CSMD1: variants seen among roughly 807,000 people sequenced by gnomAD.
CSMD1 encodes the protein CUB and sushi domain-containing protein 1.
A neutral mutation model predicts 417.5 loss-of-function variants in CSMD1; 213 were observed. That is an observed-to-expected ratio of 0.51 (90% CI 0.46 to 0.57). The LOEUF is 0.57. CSMD1 is among the 20% of genes least tolerant of loss of function. The probability of loss-of-function intolerance (pLI) is 0.00; values close to 1 mark genes in which losing one functional copy is unlikely to be tolerated. For synonymous variants in CSMD1, 2,862 were observed against 1,736.8 expected, an observed-to-expected ratio of 1.65 and a Z score of -16.11; for missense variants, 6,923 against 4,529.7, an observed-to-expected ratio of 1.53 and a Z score of -15.17.
chr8:3,219,581 G>A (rs1325894101), intron 28 of CSMD1, 139 bp from the exon 29 acceptor site: 4 of 569,884 alleles, frequency 7.0e-6, no homozygotes, highest in Non-Finnish European at 1.2e-5. Flanking sequence ...AAAGTTAAAT[G>A]TAGTATGAAT....
chr8:3,981,867 C>G (rs895728621), intron 5 of CSMD1, among the ~76,000 whole-genome samples: 1 of 152,074 alleles, frequency 6.6e-6, no homozygotes, highest in African/African-American at 2.4e-5. Context: ...AGTAATGCAG[C>G]TTTATCTGTG....
rs561710590 is a variant in CSMD1, at chr8:4,476,745, TC to T, written c.303-56681del. Reference sequence around the variant, plus strand: ...GAATAGCTTTCTTAATTTCTATACCTCCGTTTGTTCATATGTAAGGATTAGA... The same window carrying T: ...GAATAGCTTTCTTAATTTCTATACCTCGTTTGTTCATATGTAAGGATTAGA... On this transcript the variant is annotated intron_variant, in intron 2 of 69. Coordinates refer to ENST00000635120, the MANE Select transcript of CSMD1 (RefSeq NM_033225.6). Among the ~76,000 whole-genome samples, 32 of 152,242 alleles carry T rather than the reference TC, an allele frequency of 2.1e-4. 1 individual carries two copies. In the East Asian group the frequency reaches 5.4e-3, roughly 26 times the overall value.
At chr8:3,490,550 T>C (rs2117287101) in intron 11 of CSMD1, among the ~76,000 whole-genome samples, 1 of 152,294 alleles carries the variant, frequency 6.6e-6, no homozygotes, top group South Asian at 2.1e-4. Context: ...ATTTTTCAGC[T>C]CTCCGGAGTG....
intron 10 of CSMD1, among the ~76,000 whole-genome samples, chr8:3,548,755 A>C (rs1198487412): frequency 6.6e-6 from 1 of 151,486 alleles, no homozygotes; most frequent in African/African-American, 2.4e-5. Context: ...GTTTCTAAAG[A>C]GTAAGCCCGG....
intron 3 of CSMD1, among the ~76,000 whole-genome samples, chr8:4,267,623 A>C (rs1376201897): frequency 6.6e-6 from 1 of 152,044 alleles, no homozygotes; most frequent in South Asian, 2.1e-4. Flanking sequence ...TTTATATTAA[A>C]TATTAATAAT....
intron 26 of CSMD1, among the ~76,000 whole-genome samples, chr8:3,276,591 C>G (rs754264639): frequency 1.3e-5 from 2 of 152,088 alleles, no homozygotes; most frequent in Non-Finnish European, 2.9e-5. Flanking sequence ...TCCCATGATA[C>G]GTGGGAATTG....
At chr8:4,887,158 A>G (rs1803804479) in intron 1 of CSMD1, among the ~76,000 whole-genome samples, 1 of 152,022 alleles carries the variant, frequency 6.6e-6, no homozygotes, top group Non-Finnish European at 1.5e-5. Context: ...ATTCCATAAG[A>G]TCTGATATGT....
chr8:3,275,150 C>G (rs1214511657), intron 26 of CSMD1, among the ~76,000 whole-genome samples: 2 of 152,076 alleles, frequency 1.3e-5, no homozygotes, highest in African/African-American at 2.4e-5. Flanking sequence ...TCAGCATTTG[C>G]TTGTCTGTAA....
chr8:3,146,089 A>G (rs1462711901), intron 40 of CSMD1, among the ~76,000 whole-genome samples: 2 of 152,244 alleles, frequency 1.3e-5, no homozygotes, highest in African/African-American at 4.8e-5. Context: ...AACATTCTAA[A>G]GAACCTTTTA....
intron 1 of CSMD1, among the ~76,000 whole-genome samples, chr8:4,795,462 G>A (rs553013446): frequency 6.6e-6 from 1 of 151,246 alleles, no homozygotes; most frequent in African/African-American, 2.4e-5. Flanking sequence ...AGTAGAGATG[G>A]GGTTTCACCG....
chr8:3,805,066 G>A (rs533456844), intron 5 of CSMD1, among the ~76,000 whole-genome samples: 3 of 151,348 alleles, frequency 2.0e-5, no homozygotes, highest in African/African-American at 7.2e-5. Context: ...TAGGCACAGA[G>A]AATTAGAATA....
intron 7 of CSMD1, among the ~76,000 whole-genome samples, chr8:3,638,162 T>G (rs1797137465): frequency 6.6e-6 from 1 of 152,168 alleles, no homozygotes; most frequent in Non-Finnish European, 1.5e-5. Context: ...TCACTGATGT[T>G]TCCTTCCAAT....
intron 3 of CSMD1, among the ~76,000 whole-genome samples, chr8:4,415,989 C>T (rs1563150336): frequency 6.6e-6 from 1 of 152,178 alleles, no homozygotes; most frequent in South Asian, 2.1e-4. Flanking sequence ...CAGTTAACTA[C>T]TTCACTTTCT....
intron 2 of CSMD1, among the ~76,000 whole-genome samples, chr8:4,587,585 A>T (rs73500573): frequency 0.098 from 14,946 of 152,092 alleles, 1,021 homozygotes; most frequent in African/African-American, 0.19. Flanking sequence ...TAGATGTGTA[A>T]AAGAAGAAAT....
intron 5 of CSMD1, among the ~76,000 whole-genome samples, chr8:3,913,767 G>A (rs966425023): frequency 2.0e-5 from 3 of 152,142 alleles, no homozygotes; most frequent in African/African-American, 7.2e-5. Flanking sequence ...AGTTCTTAAA[G>A]AGATAAACAA....
At chr8:3,294,613 C>T (rs185506454) in intron 25 of CSMD1, among the ~76,000 whole-genome samples, 1 of 152,196 alleles carries the variant, frequency 6.6e-6, no homozygotes, top group Admixed American at 6.5e-5. Context: ...GTAGGACCCT[C>T]TGAGTCATGC....
At chr8:4,729,490 CA>C (rs1224083506) in intron 1 of CSMD1, among the ~76,000 whole-genome samples, 2 of 152,060 alleles carry the variant, frequency 1.3e-5, no homozygotes, top group Non-Finnish European at 2.9e-5. Context: ...GTGAGTCACA[CA>C]AAAGTTTTCT....
chr8:2,998,104 A>T lies in CSMD1; in HGVS notation c.8284T>A (p.Phe2762Ile), dbSNP rs889533141. The part of the protein sequence containing the change: ...SEFNLNDVVN[F>I]TCNTGYLLQG... ...AGCAAATAGCCCGTGTTGCAGGTGA[A>T]ATTCACGACATCATTCAGGTTGAAC... The change falls in exon 54 of 70, where the codon TTC (phenylalanine) becomes ATC (isoleucine). Residue 2762 changes from phenylalanine (F) to isoleucine (I), a missense_variant. Physicochemically the swap from Phe to Ile is conservative, Grantham distance 21. Transcript: ENST00000635120. The T allele has an allele frequency of 1.2e-6, 2 of 1,613,924 alleles. No homozygotes were observed. Among genetic ancestry groups the T allele is most frequent in the Admixed American group, 1.7e-5 (1 of 60,008 alleles).
intron 3 of CSMD1, among the ~76,000 whole-genome samples, chr8:4,212,174 T>TTATATAAATATATA (rs1554495566): frequency 6.9e-6 from 1 of 145,716 alleles, no homozygotes; most frequent in African/African-American, 2.5e-5. Flanking sequence ...ACTTCCCTAT[T>TTATATAAATATATA]TATATATATA....
Sources: allele counts gnomAD v4.1 joint callset (sites outside exome capture counted in the v4.1 genomes callset), GRCh38; gene constraint gnomAD v4.1.1; transcripts MANE v1.5; gene names NCBI Gene and HGNC (gene_info 2026-07-23, HGNC 2026-07-21).